NME8: variants seen among roughly 807,000 people sequenced by gnomAD.
NME8 encodes NME/NM23 family member 8.
A neutral mutation model predicts 82.3 loss-of-function variants in NME8; 72 were observed. The ratio of observed to expected loss-of-function variants is 0.87; its 90% CI spans 0.72 to 1.06. The LOEUF (loss-of-function observed/expected upper bound fraction) is 1.06, where lower values mean the gene tolerates loss of function less well. Among genes scored for constraint, NME8 ranks in the 50% least tolerant of loss-of-function variants. The pLI, the probability that NME8 is intolerant of heterozygous loss-of-function variation, is 0.00. For missense variants in NME8, 712 were observed against 685.4 expected, an observed-to-expected ratio of 1.04 and a Z score of -0.43; for synonymous variants, 267 against 228.5, an observed-to-expected ratio of 1.17 and a Z score of -1.52.
chr7:37,876,709 A>G (rs2598022), intron 11 of NME8, 123 bp from the exon 12 acceptor site: 1 of 713,544 alleles, frequency 1.4e-6, no homozygotes, highest in South Asian at 1.8e-5. Flanking sequence ...TTATCTTTAC[A>G]TGACATTTAA....
At chr7:37,879,880 G>A (rs1268015154) in intron 12 of NME8, among the ~76,000 whole-genome samples, 1 of 152,148 alleles carries the variant, frequency 6.6e-6, no homozygotes, top group Non-Finnish European at 1.5e-5. Flanking sequence ...GTTTTTGGGA[G>A]TTTAGTTACA....
chr7:37,886,943 G>C (rs916858511), intron 14 of NME8, among the ~76,000 whole-genome samples: 2 of 152,062 alleles, frequency 1.3e-5, no homozygotes, highest in Non-Finnish European at 2.9e-5. Flanking sequence ...CTGGAAGCTG[G>C]GGACAGAAAA....
At chr7:37,899,035 T>G (rs17171189) in intron 17 of NME8, among the ~76,000 whole-genome samples, 4,306 of 152,198 alleles carry the variant, frequency 0.028, 100 homozygotes, top group East Asian at 0.088. Flanking sequence ...AAAAGAAAAT[T>G]CATGTAATCC....
intron 6 of NME8, 27 bp from the exon 7 acceptor site, chr7:37,862,001 C>A: frequency 1.4e-6 from 2 of 1,407,884 alleles, no homozygotes; most frequent in South Asian, 1.2e-5. Context: ...AATGAAAGTT[C>A]CCCTCCTGTT....
In NME8 at chr7:37,894,594, T is replaced by C; in HGVS notation, c.1528T>C (p.Leu510=). Residue 510 remains leucine, a synonymous_variant, in exon 16 of 18, where the codon TTG becomes CTG. Transcript: ENST00000199447. The stretch of plus-strand genomic sequence containing the variant: ...AGGAAAAGACTTTTATAAAGATTTA[T>C]TGGAAATGTTATCTGTGTAAGTTTC... ...VTGKDFYKDL[L]EMLSVGPSMV... is the part of the protein sequence containing the mutation. The C allele has an allele frequency of 6.3e-7, 1 of 1,588,272 alleles. No individual in the cohort carries two copies. Among genetic ancestry groups the C allele is most frequent in the South Asian group, 1.1e-5 (1 of 90,524 alleles).
At chr7:37,861,934 G>A (rs1355826487) in intron 6 of NME8, 94 bp from the exon 7 acceptor site, 1 of 821,342 alleles carries the variant, frequency 1.2e-6, no homozygotes, top group South Asian at 1.3e-5. Context: ...TGAGAGTAGG[G>A]TAGAAGGGAG....
intron 15 of NME8, among the ~76,000 whole-genome samples, chr7:37,891,196 T>C (rs1173379118): frequency 6.6e-6 from 1 of 151,974 alleles, no homozygotes; most frequent in Non-Finnish European, 1.5e-5. Context: ...GTCAGATGCA[T>C]AGCTTGAAAA....
intron 17 of NME8, among the ~76,000 whole-genome samples, chr7:37,899,012 G>C (rs1785273499): frequency 6.6e-6 from 1 of 152,124 alleles, no homozygotes; most frequent in Non-Finnish European, 1.5e-5. Flanking sequence ...AATTAAGTTA[G>C]TGTTACATTT....
rs1394867992 is a variant in NME8 at position 37,850,718 on chromosome 7, A to T, written c.181A>T (p.Ile61Phe). Residue 61 changes from isoleucine (I) to phenylalanine (F), a missense_variant, in exon 5 of 18, where the codon ATT becomes TTT. Physicochemically the swap from Ile to Phe is conservative, Grantham distance 21. Transcript: ENST00000199447. ...KLKNELNEDEILHFAVAEADN... is the reference protein window; with the variant it reads ...KLKNELNEDEFLHFAVAEADN... ...GAAAAATGAACTGAACGAAGACGAA[A>T]TTCTGCATTTTGCTGTCGTAAGAAT... 1 of 1,611,746 alleles carries T rather than the reference A, an allele frequency of 6.2e-7. No homozygotes were observed.
At chr7:37,872,473 A>T (rs1784782612) in intron 11 of NME8, among the ~76,000 whole-genome samples, 1 of 152,220 alleles carries the variant, frequency 6.6e-6, no homozygotes, top group Admixed American at 6.5e-5. Context: ...AGAGACAGAA[A>T]AACCCTTAAA....
At chr7:37,850,011 A>G (rs139191988) in intron 2 of NME8, among the ~76,000 whole-genome samples, 2 of 152,314 alleles carry the variant, frequency 1.3e-5, no homozygotes, top group East Asian at 3.9e-4. Flanking sequence ...CACAAAGGAT[A>G]AATGCTTGAG....
Position 37,854,690 on chromosome 7 carries a change from G to A in NME8, c.199-2584G>A, listed in dbSNP as rs73338814. On this transcript the variant is annotated intron_variant, in intron 5 of 17. Transcript: ENST00000199447. ...GCTCTTCTACATCTTCTCCCTCATC[G>A]TCTGGCACTGCTTTAGAGGCACTCA... Among the ~76,000 whole-genome samples, 538 of 152,142 alleles carry A rather than the reference G, an allele frequency of 3.5e-3. 2 individuals carry two copies. The highest frequency in any genetic ancestry group is 0.012 in the African/African-American group (508 of 41,520).
At chr7:37,897,256 A>T (rs1785244127) in intron 17 of NME8, 149 bp downstream of exon 17, 1 of 628,030 alleles carries the variant, frequency 1.6e-6, no homozygotes. Context: ...ATTGCATAGT[A>T]GCCACACAGC....
rs1200989557 is a variant in NME8, at chr7:37,882,599, GAGAGAGAGAGAGAGAGAA to G, written c.995-1700_995-1683del. On this transcript the variant is annotated intron_variant, in intron 12 of 17. Transcript: ENST00000199447. ...AGAAAGAAAGAAAGAAAGAAAGAAAGAGAGAGAGAGAGAGAGAAAGAAAGAAAGAAAGAAAGAAAGAAA... is the reference window on the plus strand; with the variant it reads ...AGAAAGAAAGAAAGAAAGAAAGAAAGAGAAAGAAAGAAAGAAAGAAAGAAA... Among the ~76,000 whole-genome samples, 25 of 39,808 alleles carry G rather than the reference GAGAGAGAGAGAGAGAGAA, an allele frequency of 6.3e-4. 1 individual carries two copies. The highest frequency in any genetic ancestry group is 3.2e-3 in the South Asian group (3 of 950). 26.1% of individuals were successfully genotyped at this position (39,808 alleles called of 152,430 possible).
At chr7:37,876,216 CTA>C (rs57828103) in intron 11 of NME8, among the ~76,000 whole-genome samples, 30 of 143,204 alleles carry the variant, frequency 2.1e-4, no homozygotes, top group South Asian at 4.6e-4. Flanking sequence ...CAAAAAAACA[CTA>C]TATATATATA....
chr7:37,892,144 C>T (rs1785138340), intron 15 of NME8, among the ~76,000 whole-genome samples: 1 of 151,824 alleles, frequency 6.6e-6, no homozygotes, highest in African/African-American at 2.4e-5. Context: ...GGTGTTTTGC[C>T]AGAAGAAAGT....
chr7:37,883,330 T>A (rs2598012), intron 12 of NME8, among the ~76,000 whole-genome samples: 71,196 of 152,062 alleles, frequency 0.47, 17,113 homozygotes, highest in East Asian at 0.74. Flanking sequence ...TCTAAGAATT[T>A]ATATGATTCC....
At chr7:37,873,376 A>G (rs534798077) in intron 11 of NME8, among the ~76,000 whole-genome samples, 1 of 138,958 alleles carries the variant, frequency 7.2e-6, no homozygotes, top group South Asian at 2.4e-4. Context: ...AAAAAAAAAG[A>G]AAAGAAAATA....
chr7:37,864,937 A>G (rs569513590), intron 9 of NME8, among the ~76,000 whole-genome samples: 2 of 152,238 alleles, frequency 1.3e-5, no homozygotes, highest in South Asian at 4.1e-4. Context: ...ACTAGCCCCC[A>G]TAATTCAATC....
Sources: allele counts gnomAD v4.1 joint callset (sites outside exome capture counted in the v4.1 genomes callset), GRCh38; gene constraint gnomAD v4.1.1; transcripts MANE v1.5; gene names NCBI Gene and HGNC (gene_info 2026-07-23, HGNC 2026-07-21).